Variants in CADPS2 observed in about 807,000 individuals in gnomAD.
CADPS2 encodes calcium-dependent secretion activator 2.
Under a neutral mutation model 172.5 loss-of-function variants are expected in CADPS2, and 93 were observed. The observed-to-expected ratio is 0.54, with a 90% CI of 0.46 to 0.64. The LOEUF (loss-of-function observed/expected upper bound fraction) is 0.64. Among genes scored for constraint, CADPS2 ranks in the 30% least tolerant of loss-of-function variants. The probability of loss-of-function intolerance (pLI) is 0.00; values close to 1 mark genes in which losing one functional copy is unlikely to be tolerated. For missense variants in CADPS2, 1,420 were observed against 1,565.9 expected, an observed-to-expected ratio of 0.91 and a Z score of 1.57; for synonymous variants, 546 against 555.2, an observed-to-expected ratio of 0.98 and a Z score of 0.23.
At chr7:122,730,120 T>C (rs1226210110) in intron 2 of CADPS2, among the ~76,000 whole-genome samples, 1 of 151,800 alleles carries the variant, frequency 6.6e-6, no homozygotes, top group African/African-American at 2.4e-5. Context: ...AGCATCTTCT[T>C]AGTGTATAAA....
chr7:122,476,289 C>T (rs374616311), intron 12 of CADPS2, among the ~76,000 whole-genome samples: 46 of 151,812 alleles, frequency 3.0e-4, no homozygotes, highest in African/African-American at 1.1e-3. Flanking sequence ...AAATAATGCC[C>T]ATTAATGGTT....
intron 20 of CADPS2, among the ~76,000 whole-genome samples, chr7:122,400,201 C>T (rs1019644885): frequency 4.0e-5 from 6 of 151,560 alleles, no homozygotes; most frequent in African/African-American, 1.5e-4. Flanking sequence ...TTTGGGAGGC[C>T]GAGGCGGGTG....
At chr7:122,536,676 T>C (rs2062317305) in intron 8 of CADPS2, among the ~76,000 whole-genome samples, 1 of 152,076 alleles carries the variant, frequency 6.6e-6, no homozygotes, top group South Asian at 2.1e-4. Flanking sequence ...AATCTTTTTA[T>C]ATGAATGGGA....
At chr7:122,800,514 G>A (rs1797376842) in intron 1 of CADPS2, among the ~76,000 whole-genome samples, 1 of 152,162 alleles carries the variant, frequency 6.6e-6, no homozygotes, top group Admixed American at 6.6e-5. Flanking sequence ...AGATTCTAAA[G>A]TAGTAGATGT....
At chr7:122,400,768 C>T (rs1195332761) in intron 20 of CADPS2, among the ~76,000 whole-genome samples, 1 of 152,164 alleles carries the variant, frequency 6.6e-6, no homozygotes. Context: ...TATGTATATC[C>T]AGATATATCT....
At chr7:122,348,515 T>C (rs1297733728) in intron 27 of CADPS2, among the ~76,000 whole-genome samples, 1 of 152,182 alleles carries the variant, frequency 6.6e-6, no homozygotes, top group Non-Finnish European at 1.5e-5. Flanking sequence ...AATCAAGTGT[T>C]TCCTTTTTTT....
rs1423058322 is a variant in CADPS2, at chr7:122,698,436, C to A, written c.454-34867G>T. 3.1e-6 allele frequency: 5 copies of A among 1,613,806 alleles called. No homozygotes were observed. The African/African-American group carries it at 4.0e-5, about 13-fold the overall frequency. On this transcript the variant is annotated intron_variant, in intron 2 of 29. Transcript: ENST00000449022. The stretch of plus-strand genomic sequence containing the variant: ...CCTTCTTAATTAAATGGAAAATTTC[C>A]GTGCCTTTTAAGTTACCAATCATAA...
chr7:122,463,878 T>C (rs1330252146), intron 14 of CADPS2, among the ~76,000 whole-genome samples: 1 of 152,114 alleles, frequency 6.6e-6, no homozygotes, highest in African/African-American at 2.4e-5. Flanking sequence ...AAGTTAAAGA[T>C]AAGGAAGAAA....
At chr7:122,803,974 G>GAAAAAAAAAAAAAAAAAAAA (rs869246600) in intron 1 of CADPS2, among the ~76,000 whole-genome samples, 1 of 85,122 alleles carries the variant, frequency 1.2e-5, no homozygotes, top group African/African-American at 4.3e-5. Flanking sequence ...GGCTTGAATG[G>GAAAAAAAAAAAAAAAAAAAA]AAAAAAAAAA....
chr7:122,645,241 ACACACATG>A (rs1159007300), intron 3 of CADPS2, among the ~76,000 whole-genome samples: 2 of 3,266 alleles, frequency 6.1e-4, no homozygotes, highest in African/African-American at 7.5e-4. Flanking sequence ...GTATATATAT[ACACACATG>A]TACATGTGTG....
At chr7:122,360,197 A>T (rs1359393193) in intron 27 of CADPS2, among the ~76,000 whole-genome samples, 2 of 152,220 alleles carry the variant, frequency 1.3e-5, no homozygotes, top group African/African-American at 4.8e-5. Flanking sequence ...GATTAGCTTA[A>T]AAATGCTGCA....
At chr7:122,615,418 T>C in intron 5 of CADPS2, 119 bp from the exon 6 acceptor site, 1 of 524,894 alleles carries the variant, frequency 1.9e-6, no homozygotes, top group Admixed American at 3.5e-5. Flanking sequence ...ATTTGTTTTT[T>C]GTTAACATCA....
At chr7:122,417,547 A>C (rs894335712) in intron 17 of CADPS2, among the ~76,000 whole-genome samples, 4 of 152,204 alleles carry the variant, frequency 2.6e-5, no homozygotes, top group African/African-American at 9.7e-5. Context: ...CATAGACATG[A>C]ATGATCAAAT....
chr7:122,475,416 A>C (rs2056514806), intron 12 of CADPS2, among the ~76,000 whole-genome samples: 1 of 152,206 alleles, frequency 6.6e-6, no homozygotes. Flanking sequence ...TGTTCCCTAA[A>C]ATTCACAGAT....
chr7:122,456,372 A>G (rs1403353218), intron 14 of CADPS2, among the ~76,000 whole-genome samples: 1 of 152,110 alleles, frequency 6.6e-6, no homozygotes. Flanking sequence ...TCTGATGAGA[A>G]GAAAGGGTAG....
chr7:122,371,008 T>C (rs571127128), intron 25 of CADPS2, among the ~76,000 whole-genome samples: 2 of 152,272 alleles, frequency 1.3e-5, no homozygotes, highest in East Asian at 3.9e-4. Flanking sequence ...ACAGGTTAAG[T>C]GTAGGAACAC....
At chr7:122,757,496 G>T (rs1562947185) in intron 1 of CADPS2, among the ~76,000 whole-genome samples, 1 of 151,998 alleles carries the variant, frequency 6.6e-6, no homozygotes, top group Non-Finnish European at 1.5e-5. Flanking sequence ...TAGCACCCCA[G>T]GGATGGTAAT....
chr7:122,553,860 G>A (rs186900122), intron 8 of CADPS2, among the ~76,000 whole-genome samples: 230 of 152,130 alleles, frequency 1.5e-3, no homozygotes, highest in Non-Finnish European at 1.3e-3. Context: ...GCTGGGATTT[G>A]GCCATAGTAA....
chr7:122,351,037 T>C (rs2038478841), intron 27 of CADPS2, among the ~76,000 whole-genome samples: 1 of 151,740 alleles, frequency 6.6e-6, no homozygotes, highest in Non-Finnish European at 1.5e-5. Flanking sequence ...ATTTTAAAAA[T>C]AGATTTTTAA....
Sources: allele counts gnomAD v4.1 joint callset (sites outside exome capture counted in the v4.1 genomes callset), GRCh38; gene constraint gnomAD v4.1.1; transcripts MANE v1.5; gene names NCBI Gene and HGNC (gene_info 2026-07-23, HGNC 2026-07-21).